The following VGLL3 variants were observed in gnomAD, a reference collection of about 807,000 sequenced individuals.
VGLL3 encodes the protein vestigial like family member 3.
VGLL3 carries 18 observed loss-of-function variants against 29.2 expected under a neutral mutation model. That is an observed-to-expected ratio of 0.62 (90% CI 0.43 to 0.91). The LOEUF (loss-of-function observed/expected upper bound fraction) is 0.91. Among genes scored for constraint, VGLL3 ranks in the 40% least tolerant of loss-of-function variants. The pLI is 0.00. For synonymous variants in VGLL3, 180 were observed against 151.8 expected, an observed-to-expected ratio of 1.19 and a Z score of -1.36; for missense variants, 440 against 413.2, an observed-to-expected ratio of 1.06 and a Z score of -0.56.
At chr3:86,984,049 T>A (rs1336363761) in intron 1 of VGLL3, among the ~76,000 whole-genome samples, 3 of 152,170 alleles carry the variant, frequency 2.0e-5, no homozygotes, top group Non-Finnish European at 4.4e-5. Context: ...AAAACATCAG[T>A]CAGCATGGCA....
In VGLL3 at chr3:86,946,964, A is replaced by T; in HGVS notation, c.*60T>A. On this transcript the variant is annotated 3_prime_UTR_variant, in exon 4 of 4. Coordinates refer to ENST00000398399, the MANE Select transcript of VGLL3 (RefSeq NM_016206.4). The stretch of plus-strand genomic sequence containing the variant: ...TTGCTGAATGGAAAAACCCGACAGT[A>T]TCTTTTCCCAGTGGGCCCTTGGATT... 1 of 773,536 alleles carries T rather than the reference A, an allele frequency of 1.3e-6. No homozygotes were observed. Among genetic ancestry groups the T allele is most frequent in the Non-Finnish European group, 2.4e-6 (1 of 414,532 alleles). The allele number at this position is 773,536 out of a possible 1,614,324, so 47.9% of individuals were successfully genotyped here.
chr3:86,970,193 C>G (rs1255863012), intron 2 of VGLL3, among the ~76,000 whole-genome samples: 1 of 152,110 alleles, frequency 6.6e-6, no homozygotes, highest in African/African-American at 2.4e-5. Flanking sequence ...CAATTTCCTA[C>G]TCAATCGTAA....
chr3:86,956,298 T>G (rs1704721467), intron 3 of VGLL3, among the ~76,000 whole-genome samples: 2 of 152,238 alleles, frequency 1.3e-5, no homozygotes, highest in African/African-American at 4.8e-5. Context: ...TGTGTCGTTC[T>G]CTATTGAGAG....
chr3:86,961,037 C>T (rs1413302677), intron 3 of VGLL3, among the ~76,000 whole-genome samples: 2 of 147,954 alleles, frequency 1.4e-5, no homozygotes, highest in Non-Finnish European at 3.0e-5. Context: ...TATATGAATA[C>T]CTCAATTCTA....
intron 3 of VGLL3, among the ~76,000 whole-genome samples, chr3:86,948,983 A>C (rs1704560860): frequency 6.6e-6 from 1 of 152,138 alleles, no homozygotes; most frequent in African/African-American, 2.4e-5. Flanking sequence ...CTATATAAAT[A>C]TTTTTTTAAT....
chr3:86,990,782 C>A lies in VGLL3; in HGVS notation c.-39G>T. On this transcript the variant is annotated 5_prime_UTR_variant, in exon 1 of 4. Coordinates refer to ENST00000398399, the MANE Select transcript of VGLL3 (RefSeq NM_016206.4). ...GTGGCGGCCCCCGAGCTGCCGCCGCCGCTCTACGCGCTGGCGCGAGGGGCG... is the reference window on the plus strand; with the variant it reads ...GTGGCGGCCCCCGAGCTGCCGCCGCAGCTCTACGCGCTGGCGCGAGGGGCG... 1 of 1,269,056 alleles carries A rather than the reference C, an allele frequency of 7.9e-7. No individual in the cohort carries two copies. Among genetic ancestry groups the A allele is most frequent in the Non-Finnish European group, 1.0e-6 (1 of 1,003,104 alleles). The allele number at this position is 1,269,056 out of a possible 1,614,324, so 78.6% of individuals were successfully genotyped here. A position where few individuals can be genotyped will look rare whatever the true frequency, so the allele number is the denominator to read the frequency against.
chr3:86,948,241 T>G (rs73134207), intron 3 of VGLL3, among the ~76,000 whole-genome samples: 3,276 of 152,224 alleles, frequency 0.022, 53 homozygotes, highest in Non-Finnish European at 0.032. Flanking sequence ...TGCAGCAAAG[T>G]TGCTGTTGTG....
At chr3:86,964,295 T>C (rs1198368328) in intron 3 of VGLL3, among the ~76,000 whole-genome samples, 1 of 152,196 alleles carries the variant, frequency 6.6e-6, no homozygotes, top group African/African-American at 2.4e-5. Context: ...TGGCAAAGCA[T>C]AAAATATTTT....
chr3:86,955,424 C>CCAG (rs1216856590), intron 3 of VGLL3, among the ~76,000 whole-genome samples: 16 of 149,628 alleles, frequency 1.1e-4, no homozygotes, highest in Admixed American at 1.1e-3. Context: ...ACTCTGTCAC[C>CCAG]CAGGCTGGAG....
Position 86,938,070 on chromosome 3 carries a change from A to G in VGLL3, c.*8954T>C, listed in dbSNP as rs1444056241. 1 of 152,194 alleles carries G rather than the reference A, an allele frequency of 6.6e-6. No homozygotes were observed. Among genetic ancestry groups the G allele is most frequent in the Non-Finnish European group, 1.5e-5 (1 of 68,036 alleles). The allele number at this position is 152,194 out of a possible 1,614,324, so 9.4% of individuals were successfully genotyped here. ...CCCATTGATCCTTGATTAGTCCTGA[A>G]GTTATCAAAGTATGATTTTTCTTTA... is the stretch of plus-strand genomic sequence containing the variant. On this transcript the variant is annotated 3_prime_UTR_variant, in exon 4 of 4. Coordinates refer to ENST00000398399, the MANE Select transcript of VGLL3 (RefSeq NM_016206.4).
rs1180936950 is a variant in VGLL3 at position 86,990,937 on chromosome 3, G to A, written c.-194C>T. 3 of 1,085,396 alleles carry A rather than the reference G, an allele frequency of 2.8e-6. No individual in the cohort carries two copies. Among genetic ancestry groups the A allele is most frequent in the African/African-American group, 1.7e-5 (1 of 59,698 alleles). The allele number at this position is 1,085,396 out of a possible 1,614,324, so 67.2% of individuals were successfully genotyped here. On this transcript the variant is annotated 5_prime_UTR_variant, in exon 1 of 4. Transcript: ENST00000398399. ...CGGGAGGGACTGGCAATCAGCGGGG[G>A]CCCATGCGCGGGCACCTTCATCTTC...
intron 3 of VGLL3, among the ~76,000 whole-genome samples, chr3:86,947,997 A>G (rs1440359288): frequency 1.3e-5 from 2 of 152,076 alleles, no homozygotes; most frequent in Non-Finnish European, 2.9e-5. Flanking sequence ...CGAAAATTAA[A>G]ATTGTATATA....
Position 86,968,819 on chromosome 3 carries a change from C to A in VGLL3, c.708G>T (p.Met236Ile). The A allele has an allele frequency of 6.2e-7, 1 of 1,613,984 alleles. No homozygotes were observed. Among genetic ancestry groups the A allele is most frequent in the Non-Finnish European group, 8.5e-7 (1 of 1,179,994 alleles). ...YMRHHHPHAH[M>I]HHRHRHHHHH... is the part of the protein sequence containing the mutation. Reference sequence around the variant, plus strand: ...GATGATGGTGGCGGTGGCGGTGGTGCATGTGGGCATGAGGGTGGTGGTGCC... The same window carrying A: ...GATGATGGTGGCGGTGGCGGTGGTGAATGTGGGCATGAGGGTGGTGGTGCC... The change falls in exon 3 of 4, where the codon ATG becomes ATT. Residue 236 changes from methionine (M) to isoleucine (I), a missense_variant. Met to Ile is a conservative substitution (Grantham distance 10, BLOSUM62 1). Coordinates refer to ENST00000398399, the MANE Select transcript of VGLL3 (RefSeq NM_016206.4).
intron 3 of VGLL3, among the ~76,000 whole-genome samples, chr3:86,951,753 C>T (rs1005230505): frequency 1.3e-5 from 2 of 150,820 alleles, no homozygotes; most frequent in Non-Finnish European, 2.9e-5. Flanking sequence ...TCTTAAAGCT[C>T]GCCTATGTTC....
chr3:86,983,485 AG>A (rs1164344088), intron 1 of VGLL3, among the ~76,000 whole-genome samples: 5 of 152,104 alleles, frequency 3.3e-5, no homozygotes, highest in Non-Finnish European at 7.3e-5. Flanking sequence ...TCCACCTCTC[AG>A]GCTCAAATGA....
At chr3:86,987,242 T>C (rs1705463284) in intron 1 of VGLL3, among the ~76,000 whole-genome samples, 1 of 152,126 alleles carries the variant, frequency 6.6e-6, no homozygotes. Flanking sequence ...ACAAACCGAA[T>C]TGCAGAACAA....
intron 1 of VGLL3, among the ~76,000 whole-genome samples, chr3:86,988,488 T>C (rs1401387539): frequency 6.6e-6 from 1 of 151,412 alleles, no homozygotes. Flanking sequence ...GCTGTCAGCC[T>C]GATAAGAATT....
intron 3 of VGLL3, among the ~76,000 whole-genome samples, chr3:86,960,269 A>G (rs1304840635): frequency 6.6e-6 from 1 of 152,150 alleles, no homozygotes; most frequent in African/African-American, 2.4e-5. Context: ...TTGTTTTTAA[A>G]TATAGTTTAC....
rs1704394498 is a variant in VGLL3, at chr3:86,941,392, A to C, written c.*5632T>G. 1 of 152,402 alleles carries C rather than the reference A, an allele frequency of 6.6e-6. No homozygotes were observed. Among genetic ancestry groups the C allele is most frequent in the Non-Finnish European group, 1.5e-5 (1 of 67,938 alleles). The allele number at this position is 152,402 out of a possible 1,614,324, so 9.4% of individuals were successfully genotyped here. Reference sequence around the variant, plus strand: ...ATGCATATACCAAAAAAACTAATTAAAGTATGTTGCATTTTAAAAGAATTA... The same window carrying C: ...ATGCATATACCAAAAAAACTAATTACAGTATGTTGCATTTTAAAAGAATTA... On this transcript the variant is annotated 3_prime_UTR_variant, in exon 4 of 4. Transcript: ENST00000398399.
Sources: allele counts gnomAD v4.1 joint callset (sites outside exome capture counted in the v4.1 genomes callset), GRCh38; gene constraint gnomAD v4.1.1; transcripts MANE v1.5; gene names NCBI Gene and HGNC (gene_info 2026-07-23, HGNC 2026-07-21).